MAP2K2: variants seen among roughly 807,000 people sequenced by gnomAD.
MAP2K2 encodes the protein dual specificity mitogen-activated protein kinase kinase 2.
A neutral mutation model predicts 43.7 loss-of-function variants in MAP2K2; 24 were observed. The ratio of observed to expected loss-of-function variants is 0.55; its 90% confidence interval spans 0.40 to 0.77. The LOEUF is 0.77. Ranked by LOEUF, MAP2K2 falls within the 30% of genes least tolerant of loss-of-function variation. MAP2K2 has a pLI of 0.00. For synonymous variants in MAP2K2, 244 were observed against 239.7 expected (o/e 1.02, Z -0.17); for missense variants, 470 against 566.8 (o/e 0.83, Z 1.73).
rs538270942 is a variant in MAP2K2 at position 4,103,248 on chromosome 19, G to A, written c.451-795C>T. 1.9e-3 allele frequency: 1,865 copies of A among 985,652 alleles called. 5 individuals carry two copies. The highest frequency in any genetic ancestry group is 2.0e-3 in the Non-Finnish European group (1,683 of 830,120). The allele number at this position is 985,652 out of a possible 1,614,324, so 61.1% of individuals were successfully genotyped here. A position where few individuals can be genotyped will look rare whatever the true frequency, so the allele number is the denominator to read the frequency against. On this transcript the variant is annotated intron_variant, in intron 3 of 10. Coordinates refer to ENST00000262948, the MANE Select transcript of MAP2K2 (RefSeq NM_030662.4). ...AGTCATCATGGGTAGGCTGGTCCCC[G>A]GGTGTGGCCCCACATCCATGTCATA...
intron 9 of MAP2K2, 72 bp from the exon 10 acceptor site, chr19:4,094,570 G>A: frequency 6.8e-7 from 1 of 1,460,506 alleles, no homozygotes; most frequent in South Asian, 1.2e-5. Flanking sequence ...GGTGGCCCCG[G>A]GGCACCCGCG....
intron 1 of MAP2K2, among the ~76,000 whole-genome samples, chr19:4,119,949 C>T (rs954670481): frequency 6.6e-6 from 1 of 152,270 alleles, no homozygotes; most frequent in African/African-American, 2.4e-5. Context: ...AGGCCAGAAC[C>T]GAGGCGATGG....
At chr19:4,100,685 A>G in intron 6 of MAP2K2, 1 of 378,556 alleles carries the variant, frequency 2.6e-6, no homozygotes, top group Non-Finnish European at 4.9e-6. Flanking sequence ...TAAAAAATAA[A>G]GAGCAAGGGG....
At chr19:4,098,777 C>G (rs542375878) in intron 7 of MAP2K2, among the ~76,000 whole-genome samples, 1 of 152,232 alleles carries the variant, frequency 6.6e-6, no homozygotes, top group Non-Finnish European at 1.5e-5. Flanking sequence ...ATGCCAAGTC[C>G]AATCTCCACT....
chr19:4,118,089 C>A (rs1443651019), intron 1 of MAP2K2, among the ~76,000 whole-genome samples: 1 of 152,188 alleles, frequency 6.6e-6, no homozygotes, highest in African/African-American at 2.4e-5. Flanking sequence ...AGGCTCCCGC[C>A]ACCATGCCCG....
chr19:4,092,764 C>G (rs1359384677), intron 10 of MAP2K2, among the ~76,000 whole-genome samples: 1 of 152,030 alleles, frequency 6.6e-6, no homozygotes, highest in East Asian at 1.9e-4. Context: ...CAGCCTGCCT[C>G]ATTAAAAAAG....
chr19:4,109,090 A>C (rs888596834), intron 3 of MAP2K2, among the ~76,000 whole-genome samples: 1 of 152,050 alleles, frequency 6.6e-6, no homozygotes, highest in Non-Finnish European at 1.5e-5. Context: ...AAAACTGTCA[A>C]AGGGGATCGC....
At chr19:4,103,099 G>A (rs1273214558) in intron 3 of MAP2K2, 2 of 1,014,242 alleles carry the variant, frequency 2.0e-6, no homozygotes, top group South Asian at 8.2e-5. Context: ...AGGGGCCAGG[G>A]GGTGCATGGA....
rs1599305292 is a variant in MAP2K2, at chr19:4,115,594, A to T, written c.303+1825T>A. The stretch of plus-strand genomic sequence containing the variant: ...GGAAGAGGCTGCCTGCAGTACGGGG[A>T]CAGAAATAGCAAGTCCGCGGCTGCA... On this transcript the variant is annotated intron_variant, in intron 2 of 10. Transcript: ENST00000262948. This position sits in a 1 kb window ranked among gnomAD's most constrained non-coding sequence, Gnocchi z 4.1. Among the ~76,000 whole-genome samples, 1 of 152,138 alleles carries T rather than the reference A, an allele frequency of 6.6e-6. No individual in the cohort carries two copies. Among genetic ancestry groups the T allele is most frequent in the African/African-American group, 2.4e-5 (1 of 41,418 alleles).
Position 4,090,624 on chromosome 19 carries a change from C to G in MAP2K2, c.1177G>C (p.Gly393Arg). ...CACACGGCGGTGCGCGTGGGTGTGC[C>G]GGGCTGGTTCAGCCGCAGGGTTTTA... ...LCKTLRLNQP[G>R]TPTRTAV Residue 393 changes from glycine (G) to arginine (R), a missense_variant, in exon 11 of 11, where the codon GGC becomes CGC. Around this residue, in one of 3 missense-constraint regions of MAP2K2, gnomAD observed 212 missense variants for 220.8 expected, o/e 0.96. Transcript: ENST00000262948. 1 of 1,553,142 alleles carries G rather than the reference C, an allele frequency of 6.4e-7. No homozygotes were observed. Among genetic ancestry groups the G allele is most frequent in the Non-Finnish European group, 8.7e-7 (1 of 1,148,516 alleles).
At chr19:4,097,229 G>C in intron 8 of MAP2K2, 50 bp downstream of exon 8, 4 of 642,356 alleles carry the variant, frequency 6.2e-6, no homozygotes, top group Non-Finnish European at 9.8e-6. Context: ...AAAAAAAAAA[G>C]AAAGAAGAAA....
chr19:4,096,310 T>C (rs955676095), intron 8 of MAP2K2, among the ~76,000 whole-genome samples: 1 of 152,138 alleles, frequency 6.6e-6, no homozygotes, highest in Non-Finnish European at 1.5e-5. Flanking sequence ...GGCTCCGTCA[T>C]CATCTCGCCA....
At chr19:4,118,280 G>A (rs545205577) in intron 1 of MAP2K2, among the ~76,000 whole-genome samples, 5 of 152,306 alleles carry the variant, frequency 3.3e-5, no homozygotes, top group Middle Eastern at 3.4e-3. Flanking sequence ...ACCATGTCGG[G>A]AGGAGACGAG....
intron 3 of MAP2K2, 150 bp downstream of exon 3, chr19:4,110,359 T>A (rs2041138173): frequency 1.1e-6 from 1 of 910,226 alleles, no homozygotes; most frequent in Non-Finnish European, 1.7e-6. Flanking sequence ...ATATACATAC[T>A]TGTATGGCAT....
At chr19:4,092,080 C>T (rs1442105997) in intron 10 of MAP2K2, among the ~76,000 whole-genome samples, 2 of 152,184 alleles carry the variant, frequency 1.3e-5, no homozygotes, top group African/African-American at 2.4e-5. Flanking sequence ...TGTGCTGGGC[C>T]ACCCCACAGT....
intron 10 of MAP2K2, among the ~76,000 whole-genome samples, chr19:4,093,228 AAAC>A (rs143009647): frequency 0.034 from 5,107 of 152,064 alleles, 274 homozygotes; most frequent in African/African-American, 0.12. Flanking sequence ...TTGCGGGGAA[AAAC>A]AAAACCCACA....
intron 10 of MAP2K2, among the ~76,000 whole-genome samples, chr19:4,092,143 G>C (rs1340500431): frequency 2.0e-5 from 3 of 152,190 alleles, no homozygotes; most frequent in African/African-American, 7.2e-5. Flanking sequence ...AGGACCTTGG[G>C]CCCCTGAATG....
chr19:4,112,218 C>T (rs1459439441), intron 2 of MAP2K2, among the ~76,000 whole-genome samples: 5 of 152,188 alleles, frequency 3.3e-5, no homozygotes, highest in East Asian at 1.9e-4. Context: ...CGGCCAAGCA[C>T]GGAGACAGCT....
chr19:4,101,293 G>A lies in MAP2K2; in HGVS notation c.529-13C>T, dbSNP rs752950899. On this transcript the variant is annotated splice_polypyrimidine_tract_variant and intron_variant, in intron 4 of 10. Transcript: ENST00000262948. The surrounding 1 kb of genome is among the most constrained non-coding windows in gnomAD (Gnocchi z 6.3). ...AGCCCCGGAGAACCTGCAGGGGAGC[G>A]CGGAGGGAGTCACGGGACAAGGCCA... 15 of 1,573,648 alleles carry A rather than the reference G, an allele frequency of 9.5e-6. No homozygotes were observed. The highest frequency in any genetic ancestry group is 4.0e-5 in the African/African-American group (3 of 74,154).
Sources: allele counts gnomAD v4.1 joint callset (sites outside exome capture counted in the v4.1 genomes callset), GRCh38; gene constraint gnomAD v4.1.1; regional missense constraint gnomAD v4.1.1; non-coding constraint Gnocchi (gnomAD v3.1); transcripts MANE v1.5; gene names NCBI Gene and HGNC (gene_info 2026-07-23, HGNC 2026-07-21).